CUBN: variants seen among roughly 807,000 people sequenced by gnomAD.
The protein encoded by CUBN is cubilin.
A neutral mutation model predicts 405.3 loss-of-function variants in CUBN; 282 were observed. That is an observed-to-expected ratio of 0.70 (90% CI 0.63 to 0.77). CUBN has a LOEUF of 0.77. Among genes scored for constraint, CUBN ranks in the 30% least tolerant of loss-of-function variants. The probability of loss-of-function intolerance (pLI) is 0.00; values close to 1 mark genes in which losing one functional copy is unlikely to be tolerated. For missense variants in CUBN, 4,514 were observed against 4,475.2 expected, an observed-to-expected ratio of 1.01 and a Z score of -0.25; for synonymous variants, 1,684 against 1,617.0, an observed-to-expected ratio of 1.04 and a Z score of -0.99.
At chr10:17,018,228 A>G (rs1260250600) in intron 28 of CUBN, among the ~76,000 whole-genome samples, 1 of 152,222 alleles carries the variant, frequency 6.6e-6, no homozygotes, top group African/African-American at 2.4e-5. Flanking sequence ...AAGGAAAAAT[A>G]GGACAGAATA....
intron 13 of CUBN, among the ~76,000 whole-genome samples, chr10:17,102,253 C>CTATTTATTTATT (rs58806014): frequency 1.4e-5 from 2 of 144,148 alleles, no homozygotes; most frequent in African/African-American, 5.0e-5. Flanking sequence ...GAGGATCCTC[C>CTATTTATTTATT]TATTTATTTA....
intron 19 of CUBN, 142 bp from the exon 20 acceptor site, chr10:17,068,912 C>G: frequency 2.9e-6 from 2 of 700,506 alleles, no homozygotes; most frequent in South Asian, 3.6e-5. Context: ...TAGTCACCCC[C>G]CAAAAAACAC....
chr10:17,110,866 G>A, intron 9 of CUBN, 53 bp downstream of exon 9: 1 of 1,612,738 alleles, frequency 6.2e-7, no homozygotes, highest in Non-Finnish European at 8.5e-7. Context: ...GTATTCCTAT[G>A]TCTGTGTTCC....
At chr10:16,834,493 C>G (rs1049606613) in intron 64 of CUBN, among the ~76,000 whole-genome samples, 2 of 152,142 alleles carry the variant, frequency 1.3e-5, no homozygotes, top group African/African-American at 4.8e-5. Context: ...GGACAGACCA[C>G]ACCCCCCTGA....
Position 17,110,964 on chromosome 10 carries a change from A to G in CUBN, c.970T>C (p.Cys324Arg). Residue 324 changes from cysteine to arginine, a missense_variant, in exon 9 of 67, where the codon TGT becomes CGT. Around this residue, in one of 5 missense-constraint regions of CUBN, gnomAD observed 1,448 missense variants for 1,388.0 expected, o/e 1.04. Coordinates refer to ENST00000377833, the MANE Select transcript of CUBN (RefSeq NM_001081.4). Reference sequence around the variant, plus strand: ...TGGGAAGACCCAGGTGTATTCACACACTCAACGGGTGGAGCCACAGAACAG... The same window carrying G: ...TGGGAAGACCCAGGTGTATTCACACGCTCAACGGGTGGAGCCACAGAACAG... Reference protein sequence around the residue: ...GGCSVAPPVECVNTPGSSHCQ... With the variant: ...GGCSVAPPVERVNTPGSSHCQ... 6.2e-7 allele frequency: 1 copy of G among 1,614,212 alleles called. No homozygotes were observed. The highest frequency in any genetic ancestry group is 8.5e-7 in the Non-Finnish European group (1 of 1,180,036).
rs1169831315 is a variant in CUBN, at chr10:16,947,236, T to A, written c.5341A>T (p.Ile1781Leu). ...AATACACCATAAAAAAGGATTTACA[T>A]AAAAGACAGCTGGAGCCGGTTGCCA... ...SPGNRLQLSF[I>L]SFQLEDSQDC... Residue 1781 changes from isoleucine to leucine, a missense_variant and splice_region_variant, in exon 36 of 67, where the codon ATA becomes TTA. Physicochemically the swap from Ile to Leu is conservative, Grantham distance 5. Coordinates refer to ENST00000377833, the MANE Select transcript of CUBN (RefSeq NM_001081.4). 1 of 1,613,902 alleles carries A rather than the reference T, an allele frequency of 6.2e-7. No individual in the cohort carries two copies. The highest frequency in any genetic ancestry group is 1.3e-5 in the African/African-American group (1 of 74,904).
chr10:17,114,309 C>A, intron 7 of CUBN, 120 bp from the exon 8 acceptor site: 4 of 956,104 alleles, frequency 4.2e-6, no homozygotes, highest in South Asian at 1.4e-5. Context: ...TAAGGCCAAT[C>A]CACTGGCTTC....
intron 12 of CUBN, among the ~76,000 whole-genome samples, chr10:17,104,085 T>C (rs1184514708): frequency 6.6e-6 from 1 of 152,182 alleles, no homozygotes; most frequent in African/African-American, 2.4e-5. Context: ...AATGCAGTAC[T>C]CTAGGGAAAT....
intron 34 of CUBN, 34 bp downstream of exon 34, chr10:16,949,967 G>T: frequency 6.8e-7 from 1 of 1,467,174 alleles, no homozygotes; most frequent in South Asian, 1.1e-5. Flanking sequence ...GCACAGCCAA[G>T]ACCACAGATG....
intron 26 of CUBN, among the ~76,000 whole-genome samples, chr10:17,041,434 T>G (rs982532285): frequency 6.6e-6 from 1 of 152,040 alleles, no homozygotes; most frequent in South Asian, 2.1e-4. Flanking sequence ...GATTTCCATT[T>G]AGAAGAAATG....
chr10:16,885,889 A>G (rs1413814029), intron 56 of CUBN, among the ~76,000 whole-genome samples: 2 of 152,256 alleles, frequency 1.3e-5, no homozygotes, highest in Non-Finnish European at 2.9e-5. Context: ...TTATAAAAAT[A>G]ACATAAAAGC....
intron 28 of CUBN, among the ~76,000 whole-genome samples, chr10:16,992,250 G>A (rs1833612203): frequency 6.6e-6 from 1 of 152,120 alleles, no homozygotes; most frequent in African/African-American, 2.4e-5. Flanking sequence ...ATGGGGTGGG[G>A]GAAGGGGGGA....
At chr10:17,093,224 G>C (rs911523361) in intron 14 of CUBN, among the ~76,000 whole-genome samples, 1 of 152,122 alleles carries the variant, frequency 6.6e-6, no homozygotes, top group Non-Finnish European at 1.5e-5. Flanking sequence ...GCATTTCCTT[G>C]GGTCCTTAGC....
chr10:16,962,499 G>A (rs780743580), intron 31 of CUBN, among the ~76,000 whole-genome samples: 4 of 152,094 alleles, frequency 2.6e-5, no homozygotes, highest in Admixed American at 1.3e-4. Context: ...TGAGCCCCAC[G>A]TCCTGGTATT....
intron 28 of CUBN, among the ~76,000 whole-genome samples, chr10:17,013,881 G>T (rs1409536328): frequency 6.6e-6 from 1 of 152,174 alleles, no homozygotes; most frequent in Non-Finnish European, 1.5e-5. Flanking sequence ...TATAGGTTAA[G>T]GTCAGGATTA....
At chr10:17,055,847 A>C (rs1835382062) in intron 22 of CUBN, among the ~76,000 whole-genome samples, 1 of 152,048 alleles carries the variant, frequency 6.6e-6, no homozygotes, top group African/African-American at 2.4e-5. Context: ...TTATCCCCAA[A>C]TTGGTCTGTA....
At position 16,952,337 on chromosome 10, in the gene CUBN, C is replaced by T; in HGVS notation, c.4908G>A (p.Arg1636=). 1.2e-6 allele frequency: 2 copies of T among 1,613,960 alleles called. No individual in the cohort carries two copies. Among genetic ancestry groups the T allele is most frequent in the Non-Finnish European group, 1.7e-6 (2 of 1,179,920 alleles). Residue 1636 remains arginine, a synonymous_variant, in exon 33 of 67, where the codon CGG becomes CGA. Coordinates refer to ENST00000377833, the MANE Select transcript of CUBN (RefSeq NM_001081.4). ...GATTGTTTGGATAATTGGCAGGGAACCGTGGAGAGGAAACAGTATCAAATG... is the reference window on the plus strand; with the variant it reads ...GATTGTTTGGATAATTGGCAGGGAATCGTGGAGAGGAAACAGTATCAAATG... The part of the protein sequence containing the change: ...TSSFDTVSSP[R]FPANYPNNQN...
intron 22 of CUBN, among the ~76,000 whole-genome samples, chr10:17,053,194 A>T (rs139983274): frequency 1.3e-5 from 2 of 152,206 alleles, no homozygotes; most frequent in Non-Finnish European, 2.9e-5. Context: ...ATGGAAAACA[A>T]CTACCATAAT....
rs767930928 is a variant in CUBN at position 16,948,475 on chromosome 10, T to C, written c.5209+3A>G. 4 of 1,613,876 alleles carry C rather than the reference T, an allele frequency of 2.5e-6. No homozygotes were observed. The highest frequency in any genetic ancestry group is 2.2e-5 in the East Asian group (1 of 44,856). On this transcript the variant is annotated splice_donor_region_variant and intron_variant, in intron 35 of 66. Transcript: ENST00000377833. ...GCTAGAGTCAGGTGCTAGGGTTTCT[T>C]ACCCGACACTGATGCGGTGACCGTG...
Sources: gnomAD v4.1 joint callset for allele counts (sites outside exome capture counted in the v4.1 genomes callset) on GRCh38, gnomAD v4.1.1 for gene constraint, gnomAD v4.1.1 regional missense constraint, MANE v1.5 for transcripts, NCBI Gene and HGNC (gene_info 2026-07-23, HGNC 2026-07-21) for gene names.